Variants in ZNF475 observed in about 807,000 individuals in gnomAD.
The protein encoded by ZNF475 is zinc finger protein 475.
the ZNF475 span, among the ~76,000 whole-genome samples, chr5:122,180,575 C>T: frequency 6.6e-6 from 1 of 152,250 alleles, no homozygotes; most frequent in African/African-American, 2.4e-5. Context: ...ATATTTTTAC[C>T]ATTGTCATTT....
At chr5:122,161,326 C>T in the ZNF475 span, among the ~76,000 whole-genome samples, 1 of 152,216 alleles carries the variant, frequency 6.6e-6, no homozygotes, top group Admixed American at 6.5e-5. Context: ...ATGCTGCTCT[C>T]ATATCCCAGG....
At chr5:122,169,400 G>C in the ZNF475 span, among the ~76,000 whole-genome samples, 1 of 152,178 alleles carries the variant, frequency 6.6e-6, no homozygotes, top group African/African-American at 2.4e-5. Flanking sequence ...TAACTAAGGA[G>C]AGTTAAGGAT....
the ZNF475 span, among the ~76,000 whole-genome samples, chr5:122,180,255 G>A: frequency 8.5e-5 from 13 of 152,320 alleles, 1 homozygote; most frequent in Admixed American, 3.3e-4. Context: ...GGACTATGAT[G>A]CGCTGTGGAG....
chr5:122,171,867 AG>A, the ZNF475 span, among the ~76,000 whole-genome samples: 2 of 151,754 alleles, frequency 1.3e-5, no homozygotes, highest in Admixed American at 1.3e-4. Context: ...GGCTCCTAAT[AG>A]TTGAGAACTA....
the ZNF475 span, among the ~76,000 whole-genome samples, chr5:122,161,451 T>C: frequency 2.0e-5 from 3 of 151,802 alleles, no homozygotes; most frequent in Middle Eastern, 6.8e-3. Context: ...CGGGGTCAAC[T>C]CTGATAGGAA....
At chr5:122,160,756 T>C in the ZNF475 span, among the ~76,000 whole-genome samples, 1 of 152,134 alleles carries the variant, frequency 6.6e-6, no homozygotes, top group Non-Finnish European at 1.5e-5. Context: ...TCTCGAAAAG[T>C]TAATCTAACT....
the ZNF475 span, among the ~76,000 whole-genome samples, chr5:122,161,507 C>T: frequency 6.6e-6 from 1 of 152,128 alleles, no homozygotes; most frequent in Non-Finnish European, 1.5e-5. Context: ...CTGGCCTATC[C>T]AAGGTGGTGG....
At chr5:122,174,215 C>T in the ZNF475 span, among the ~76,000 whole-genome samples, 1 of 152,304 alleles carries the variant, frequency 6.6e-6, no homozygotes, top group East Asian at 1.9e-4. Context: ...CCCCACATAT[C>T]CACTTCTATC....
At chr5:122,182,290 G>C in the ZNF475 span, among the ~76,000 whole-genome samples, 1 of 152,116 alleles carries the variant, frequency 6.6e-6, no homozygotes, top group Non-Finnish European at 1.5e-5. Context: ...AGAGCGAGCA[G>C]CCCTTTCTTT....
the ZNF475 span, among the ~76,000 whole-genome samples, chr5:122,179,002 C>T: frequency 1.3e-5 from 2 of 152,094 alleles, no homozygotes; most frequent in Non-Finnish European, 2.9e-5. Flanking sequence ...AATCCTTTCC[C>T]CATTGCTTAT....
At chr5:122,166,064 C>T in the ZNF475 span, among the ~76,000 whole-genome samples, 1 of 152,084 alleles carries the variant, frequency 6.6e-6, no homozygotes, top group Non-Finnish European at 1.5e-5. Context: ...GTTCTTGTGC[C>T]CTTCTAGAGC....
chr5:122,162,137 A>T, the ZNF475 span: 1 of 152,246 alleles, frequency 6.6e-6, no homozygotes, highest in African/African-American at 2.4e-5. Context: ...CATTGGAAAT[A>T]TCAATAGTTC....
At chr5:122,169,760 C>T in the ZNF475 span, among the ~76,000 whole-genome samples, 1 of 152,218 alleles carries the variant, frequency 6.6e-6, no homozygotes, top group African/African-American at 2.4e-5. Context: ...AAAGGATGGC[C>T]TGCTTCATCC....
At chr5:122,174,682 T>G in the ZNF475 span, among the ~76,000 whole-genome samples, 523 of 152,316 alleles carry the variant, frequency 3.4e-3, 4 homozygotes, top group African/African-American at 0.012. Context: ...TAACTTTCCT[T>G]CCAAAGGAAA....
the ZNF475 span, among the ~76,000 whole-genome samples, chr5:122,178,462 T>C: frequency 1.3e-5 from 2 of 152,236 alleles, no homozygotes; most frequent in South Asian, 2.1e-4. Flanking sequence ...TAGTATCTCA[T>C]TGTGGTTTTG....
chr5:122,179,734 A>C, the ZNF475 span: 1 of 1,491,652 alleles, frequency 6.7e-7, no homozygotes, highest in Non-Finnish European at 8.8e-7. Context: ...ATTACTGGTA[A>C]GTTCCTAGAA....
chr5:122,178,935 G>A, the ZNF475 span, among the ~76,000 whole-genome samples: 2 of 152,274 alleles, frequency 1.3e-5, no homozygotes, highest in South Asian at 4.1e-4. Flanking sequence ...AAGGGGTCCA[G>A]CTTCAGTTTT....
chr5:122,181,213 A>C, the ZNF475 span, among the ~76,000 whole-genome samples: 13 of 152,164 alleles, frequency 8.5e-5, no homozygotes, highest in East Asian at 1.9e-4. Context: ...AAGAATTCAT[A>C]TTACCATTTT....
chr5:122,166,436 G>A, the ZNF475 span, among the ~76,000 whole-genome samples: 2 of 151,928 alleles, frequency 1.3e-5, no homozygotes, highest in Admixed American at 6.6e-5. Context: ...ATGTTGGTGT[G>A]CTGCACCCAT....
Sources: allele counts gnomAD v4.1 joint callset (sites outside exome capture counted in the v4.1 genomes callset), GRCh38; gene constraint gnomAD v4.1.1; transcripts MANE v1.5; gene names NCBI Gene and HGNC (gene_info 2026-07-23, HGNC 2026-07-21).